The following RABGAP1L variants were observed in gnomAD, a reference collection of about 807,000 sequenced individuals.
The protein encoded by RABGAP1L is rab GTPase-activating protein 1-like.
Under a neutral mutation model 137.7 loss-of-function variants are expected in RABGAP1L, and 63 were observed. The ratio of observed to expected loss-of-function variants is 0.46; its 90% confidence interval spans 0.37 to 0.56. RABGAP1L has a LOEUF of 0.56. RABGAP1L is among the 20% of genes least tolerant of loss of function. The probability of loss-of-function intolerance (pLI) is 0.00; values close to 1 mark genes in which losing one functional copy is unlikely to be tolerated. For missense variants in RABGAP1L, 1,095 were observed against 1,244.0 expected (o/e 0.88, Z 1.80); for synonymous variants, 431 against 433.7 (o/e 0.99, Z 0.08).
chr1:174,401,383 C>G (rs902323435), intron 13 of RABGAP1L, among the ~76,000 whole-genome samples: 6 of 152,108 alleles, frequency 3.9e-5, no homozygotes, highest in African/African-American at 1.2e-4. Flanking sequence ...ATATAAAGCA[C>G]TCAATGCATG....
intron 13 of RABGAP1L, among the ~76,000 whole-genome samples, chr1:174,533,466 C>T (rs1664614801): frequency 6.6e-6 from 1 of 152,090 alleles, no homozygotes; most frequent in African/African-American, 2.4e-5. Context: ...ACAACAAGAA[C>T]AATCCCTCCT....
chr1:174,885,123 C>T (rs1254980663), intron 19 of RABGAP1L, among the ~76,000 whole-genome samples: 3 of 152,166 alleles, frequency 2.0e-5, no homozygotes, highest in Admixed American at 1.3e-4. Context: ...GGACTGAAAT[C>T]GGCCAGAAGT....
At chr1:174,924,553 G>A (rs1187650477) in intron 19 of RABGAP1L, among the ~76,000 whole-genome samples, 2 of 152,088 alleles carry the variant, frequency 1.3e-5, no homozygotes, top group East Asian at 3.9e-4. Context: ...AGAGCATTTA[G>A]GGTAATTGGA....
chr1:174,577,210 TACACACACACACACACAC>T (rs67709003), intron 13 of RABGAP1L, among the ~76,000 whole-genome samples: 11,430 of 127,074 alleles, frequency 0.09, 671 homozygotes, highest in East Asian at 0.32. Context: ...GGGGAAAAAA[TACACACACACACACACAC>T]ACACACACAC....
chr1:174,494,262 C>T (rs1189217333), intron 13 of RABGAP1L, among the ~76,000 whole-genome samples: 1 of 152,144 alleles, frequency 6.6e-6, no homozygotes, highest in Non-Finnish European at 1.5e-5. Flanking sequence ...CTGTTTTTCC[C>T]TTGGGACAAT....
intron 13 of RABGAP1L, among the ~76,000 whole-genome samples, chr1:174,529,019 C>G (rs1309664177): frequency 6.7e-6 from 1 of 148,684 alleles, no homozygotes; most frequent in African/African-American, 2.5e-5. Flanking sequence ...ATATCTATCT[C>G]TTTGGTATAT....
intron 12 of RABGAP1L, among the ~76,000 whole-genome samples, chr1:174,376,670 A>AC (rs915262650): frequency 2.6e-5 from 4 of 152,168 alleles, no homozygotes; most frequent in African/African-American, 9.7e-5. Context: ...AAACCAAAAA[A>AC]CAAAAAAACC....
At chr1:174,262,530 C>G (rs1228245775) in intron 7 of RABGAP1L, among the ~76,000 whole-genome samples, 1 of 152,154 alleles carries the variant, frequency 6.6e-6, no homozygotes. Flanking sequence ...TGTGCTTCCC[C>G]ATTTCCCCCT....
intron 12 of RABGAP1L, among the ~76,000 whole-genome samples, chr1:174,388,858 A>T (rs1448611725): frequency 6.6e-6 from 1 of 152,102 alleles, no homozygotes; most frequent in Non-Finnish European, 1.5e-5. Flanking sequence ...GTCACCTTCA[A>T]ATCGGTCATT....
intron 1 of RABGAP1L, among the ~76,000 whole-genome samples, chr1:174,166,873 A>G (rs912034799): frequency 6.6e-6 from 1 of 152,208 alleles, no homozygotes; most frequent in Non-Finnish European, 1.5e-5. Context: ...AATTTTGGAA[A>G]TGTTGGTAAA....
chr1:174,359,216 C>T (rs551054822), intron 11 of RABGAP1L, among the ~76,000 whole-genome samples: 1 of 151,770 alleles, frequency 6.6e-6, no homozygotes, highest in Admixed American at 6.6e-5. Flanking sequence ...CTCGGTGTGT[C>T]TTTTACTGTA....
At chr1:174,197,402 A>C (rs1667770606) in intron 1 of RABGAP1L, among the ~76,000 whole-genome samples, 1 of 133,480 alleles carries the variant, frequency 7.5e-6, no homozygotes, top group Non-Finnish European at 1.6e-5. Context: ...GCCCGATCTT[A>C]ATCATGATGG....
At chr1:174,669,602 G>A (rs1415168485) in intron 14 of RABGAP1L, among the ~76,000 whole-genome samples, 1 of 152,112 alleles carries the variant, frequency 6.6e-6, no homozygotes, top group African/African-American at 2.4e-5. Flanking sequence ...TCTTCTGGTA[G>A]TTTCATAGTT....
chr1:174,195,469 T>A (rs1390778224), intron 1 of RABGAP1L, among the ~76,000 whole-genome samples: 1 of 152,146 alleles, frequency 6.6e-6, no homozygotes, highest in Non-Finnish European at 1.5e-5. Flanking sequence ...CTTCTCGTAT[T>A]TTTTTGAGAG....
intron 7 of RABGAP1L, among the ~76,000 whole-genome samples, 167 bp downstream of exon 7, chr1:174,252,757 G>A (rs999462718): frequency 6.6e-6 from 1 of 152,058 alleles, no homozygotes; most frequent in Admixed American, 6.5e-5. Context: ...TGGTTTCATT[G>A]AAAATCAATT....
At chr1:174,551,511 A>G (rs1229864307) in intron 13 of RABGAP1L, among the ~76,000 whole-genome samples, 1 of 152,174 alleles carries the variant, frequency 6.6e-6, no homozygotes, top group Non-Finnish European at 1.5e-5. Context: ...AACCTCCCAC[A>G]TGTGTGCTGA....
At chr1:174,519,231 C>G (rs962540421) in intron 13 of RABGAP1L, among the ~76,000 whole-genome samples, 1 of 151,616 alleles carries the variant, frequency 6.6e-6, no homozygotes, top group African/African-American at 2.4e-5. Context: ...CACACACACA[C>G]ACATATATAT....
At chr1:174,205,061 C>T (rs556007722) in intron 1 of RABGAP1L, among the ~76,000 whole-genome samples, 4 of 152,106 alleles carry the variant, frequency 2.6e-5, no homozygotes, top group East Asian at 1.9e-4. Context: ...GAGATAATCA[C>T]GTGGTTTTTG....
At chr1:174,898,398 T>C (rs1303472070) in intron 19 of RABGAP1L, among the ~76,000 whole-genome samples, 1 of 152,216 alleles carries the variant, frequency 6.6e-6, no homozygotes, top group African/African-American at 2.4e-5. Context: ...TGTACTCCCT[T>C]ATTAGATGTT....
Sources: allele counts gnomAD v4.1 joint callset (sites outside exome capture counted in the v4.1 genomes callset), GRCh38; gene constraint gnomAD v4.1.1; transcripts MANE v1.5; gene names NCBI Gene and HGNC (gene_info 2026-07-23, HGNC 2026-07-21).